SCML4: variants seen among roughly 807,000 people sequenced by gnomAD.
SCML4 encodes the protein sex comb on midleg-like protein 4.
In SCML4, 34 loss-of-function variants were observed where a neutral mutation model predicts 41.1. That is an observed-to-expected ratio of 0.83 (90% CI 0.63 to 1.10). The LOEUF (loss-of-function observed/expected upper bound fraction) is 1.10, where lower values mean the gene tolerates loss of function less well. SCML4 is among the 50% of genes least tolerant of loss of function. The probability of loss-of-function intolerance (pLI) is 0.00; values close to 1 mark genes in which losing one functional copy is unlikely to be tolerated. For synonymous variants in SCML4, 214 were observed against 220.9 expected (o/e 0.97, Z 0.28); for missense variants, 522 against 534.1 (o/e 0.98, Z 0.22).
At chr6:107,827,517 G>T (rs1054784506), upstream of SCML4, among the ~76,000 whole-genome samples, 4 of 151,964 alleles carry the variant, frequency 2.6e-5, no homozygotes, top group Non-Finnish European at 5.9e-5. Context: ...AAAAATTTAA[G>T]TTAAACATGT....
intron 2 of SCML4, among the ~76,000 whole-genome samples, chr6:107,756,347 G>A (rs574787081): frequency 3.3e-5 from 5 of 152,178 alleles, no homozygotes; most frequent in African/African-American, 4.8e-5. Flanking sequence ...TCACCTCTGG[G>A]ATCTTCTTCC....
intron 2 of SCML4, among the ~76,000 whole-genome samples, chr6:107,750,445 T>C (rs1778518376): frequency 6.6e-6 from 1 of 152,198 alleles, no homozygotes; most frequent in Admixed American, 6.5e-5. Flanking sequence ...AAGGGGAAGA[T>C]GAATAGTTGA....
In SCML4 at chr6:107,708,015, G is replaced by A. The variant is rs1416547782; in HGVS notation, c.974-4C>T. 4.5e-6 allele frequency: 7 copies of A among 1,550,116 alleles called. No individual in the cohort carries two copies. The highest frequency in any genetic ancestry group is 5.2e-6 in the Non-Finnish European group (6 of 1,146,986). On this transcript the variant is annotated splice_region_variant and splice_polypyrimidine_tract_variant and intron_variant, in intron 6 of 7. Coordinates refer to ENST00000369020, the MANE Select transcript of SCML4 (RefSeq NM_198081.5). The stretch of plus-strand genomic sequence containing the variant: ...GCATCCTGAGAAGGGCTTGAGGCTG[G>A]ATGGGGCACAGAGAGGGAGACCATG...
At chr6:107,827,738 G>T (rs554911122), upstream of SCML4, among the ~76,000 whole-genome samples, 2 of 152,152 alleles carry the variant, frequency 1.3e-5, no homozygotes, top group Non-Finnish European at 1.5e-5. Context: ...CTCTCCACAC[G>T]AGTGCTACTG....
chr6:107,777,976 A>G (rs1781091277), intron 1 of SCML4, among the ~76,000 whole-genome samples: 1 of 151,770 alleles, frequency 6.6e-6, no homozygotes, highest in Non-Finnish European at 1.5e-5. Flanking sequence ...GCACTTTCGG[A>G]GGCTGAGGCA....
chr6:107,794,810 T>C (rs1231817760), intron 1 of SCML4, among the ~76,000 whole-genome samples: 1 of 152,202 alleles, frequency 6.6e-6, no homozygotes, highest in Non-Finnish European at 1.5e-5. Context: ...GCCAGCAGGA[T>C]TGATTCCTTC....
chr6:107,795,390 T>C (rs921947221), intron 1 of SCML4, among the ~76,000 whole-genome samples: 3 of 152,372 alleles, frequency 2.0e-5, no homozygotes, highest in Non-Finnish European at 4.4e-5. Context: ...AATATTTTTC[T>C]TAATTGCAGT....
At chr6:107,729,424 A>C (rs1776316559) in intron 5 of SCML4, among the ~76,000 whole-genome samples, 1 of 152,196 alleles carries the variant, frequency 6.6e-6, no homozygotes, top group Non-Finnish European at 1.5e-5. Context: ...TTCTAAGGAC[A>C]CCAGTCATGG....
intron 1 of SCML4, among the ~76,000 whole-genome samples, chr6:107,794,755 C>T (rs1782590081): frequency 6.6e-6 from 1 of 152,086 alleles, no homozygotes; most frequent in South Asian, 2.1e-4. Flanking sequence ...TGGCTTGGAA[C>T]AACAAAATTT....
the SCML4 span, among the ~76,000 whole-genome samples, chr6:107,831,836 A>G: frequency 1.3e-5 from 2 of 152,078 alleles, no homozygotes; most frequent in South Asian, 4.1e-4. Context: ...GGAGGATCAC[A>G]AGGTCAGGAG....
chr6:107,751,516 T>G (rs925816437), intron 2 of SCML4, among the ~76,000 whole-genome samples: 3 of 152,220 alleles, frequency 2.0e-5, no homozygotes, highest in African/African-American at 7.2e-5. Flanking sequence ...TTTTAGCTAT[T>G]ACTCTTGAAC....
chr6:107,720,551 C>G (rs1471085487), intron 6 of SCML4, 152 bp downstream of exon 6: 5 of 1,417,192 alleles, frequency 3.5e-6, no homozygotes, highest in Non-Finnish European at 4.6e-6. Context: ...TTTTGAGAAC[C>G]TCAAGATCCA....
intron 3 of SCML4, among the ~76,000 whole-genome samples, chr6:107,747,673 T>C (rs914072219): frequency 1.3e-5 from 2 of 151,620 alleles, no homozygotes; most frequent in Admixed American, 6.6e-5. Context: ...CTGGTTTTCA[T>C]ATATGATAGA....
At chr6:107,793,429 C>G (rs17528993) in intron 1 of SCML4, among the ~76,000 whole-genome samples, 26,813 of 152,200 alleles carry the variant, frequency 0.18, 2,921 homozygotes, top group South Asian at 0.27. Flanking sequence ...GCGTACAGGA[C>G]AAACAAATGC....
At chr6:107,800,103 A>G (rs1262244718) in intron 1 of SCML4, among the ~76,000 whole-genome samples, 1 of 151,790 alleles carries the variant, frequency 6.6e-6, no homozygotes, top group Non-Finnish European at 1.5e-5. Context: ...CTCCCCCCTC[A>G]GCCTCCCGAG....
the SCML4 span, among the ~76,000 whole-genome samples, chr6:107,834,237 C>T: frequency 6.6e-6 from 1 of 152,256 alleles, no homozygotes; most frequent in East Asian, 1.9e-4. Flanking sequence ...GGACTAAAAA[C>T]AAGACTGGAT....
the SCML4 span, among the ~76,000 whole-genome samples, chr6:107,834,715 G>A: frequency 2.0e-5 from 3 of 152,160 alleles, no homozygotes; most frequent in African/African-American, 4.8e-5. Flanking sequence ...GGAGGCTGAG[G>A]CAGGCAGATC....
chr6:107,821,402 T>G (rs1249896379), intron 1 of SCML4, among the ~76,000 whole-genome samples: 1 of 152,224 alleles, frequency 6.6e-6, no homozygotes, highest in Non-Finnish European at 1.5e-5. Context: ...AGGGAGGCAT[T>G]GTTTAAAAGT....
At chr6:107,747,247 C>T (rs1210201747) in intron 3 of SCML4, among the ~76,000 whole-genome samples, 1 of 152,174 alleles carries the variant, frequency 6.6e-6, no homozygotes, top group Non-Finnish European at 1.5e-5. Flanking sequence ...ACTTCTTCTC[C>T]CTCCTCCAAA....
Sources: gnomAD v4.1 joint callset for allele counts (sites outside exome capture counted in the v4.1 genomes callset) on GRCh38, gnomAD v4.1.1 for gene constraint, MANE v1.5 for transcripts, NCBI Gene and HGNC (gene_info 2026-07-23, HGNC 2026-07-21) for gene names.